PDE8B: variants seen among roughly 807,000 people sequenced by gnomAD.
PDE8B encodes the protein high affinity cAMP-specific and IBMX-insensitive 3',5'-cyclic phosphodiesterase 8B.
In PDE8B, 26 loss-of-function variants were observed where a neutral mutation model predicts 101.3. The observed-to-expected ratio is 0.26, with a 90% CI of 0.19 to 0.36. The LOEUF (loss-of-function observed/expected upper bound fraction) is 0.36, where lower values mean the gene tolerates loss of function less well. PDE8B is among the 10% of genes least tolerant of loss of function. PDE8B has a pLI of 1.00. For missense variants in PDE8B, 810 were observed against 1,163.1 expected, an observed-to-expected ratio of 0.70 and a Z score of 4.42; for synonymous variants, 424 against 429.3, an observed-to-expected ratio of 0.99 and a Z score of 0.15.
chr5:77,115,608 A>G, the PDE8B span, among the ~76,000 whole-genome samples: 1 of 152,244 alleles, frequency 6.6e-6, no homozygotes, highest in African/African-American at 2.4e-5. Flanking sequence ...ACGTTTGCTT[A>G]ATAAATACAC....
At position 77,351,103 on chromosome 5, in the gene PDE8B, G is replaced by C. The variant is rs551325620; in HGVS notation, c.1056G>C (p.Gly352=). The change falls in exon 9 of 22, where the codon GGG becomes GGC. Residue 352 remains glycine (G), a synonymous_variant. Coordinates refer to ENST00000264917, the MANE Select transcript of PDE8B (RefSeq NM_003719.5). ...TTTACTATGCCAGACGGAAATCCGG[G>C]GACAGCATCCAACAGCACGTGAAGA... is the stretch of plus-strand genomic sequence containing the variant. ...QGVYYARRKS[G]DSIQQHVKIT... The C allele has an allele frequency of 6.2e-7, 1 of 1,613,996 alleles. No homozygotes were observed. The highest frequency in any genetic ancestry group is 8.5e-7 in the Non-Finnish European group (1 of 1,179,978).
intron 1 of PDE8B, among the ~76,000 whole-genome samples, chr5:77,282,241 T>A (rs553503246): frequency 6.6e-6 from 1 of 152,156 alleles, no homozygotes; most frequent in South Asian, 2.1e-4. Flanking sequence ...CCCAGCTTCT[T>A]TTCTTTCCCA....
Position 77,305,212 on chromosome 5 carries a change from T to A in PDE8B, c.340-6782T>A, listed in dbSNP as rs76198233. Among the ~76,000 whole-genome samples, 1,260 of 152,288 alleles carry A rather than the reference T, an allele frequency of 8.3e-3. 19 individuals carry two copies. Among genetic ancestry groups the A allele is most frequent in the African/African-American group, 0.029 (1,187 of 41,558 alleles). On this transcript the variant is annotated intron_variant, in intron 1 of 21. Coordinates refer to ENST00000264917, the MANE Select transcript of PDE8B (RefSeq NM_003719.5). ...AGATTCCAGTTATCTTGGTGTCAAA[T>A]AGGACCCAGGCATTGATATATTTTT...
intron 10 of PDE8B, among the ~76,000 whole-genome samples, chr5:77,382,846 AT>A (rs1787769114): frequency 6.6e-6 from 1 of 152,142 alleles, no homozygotes; most frequent in African/African-American, 2.4e-5. Context: ...AGTGATGGGC[AT>A]TTGGGTTGGT....
chr5:77,385,732 C>T (rs934707054), intron 10 of PDE8B, among the ~76,000 whole-genome samples: 3 of 150,918 alleles, frequency 2.0e-5, no homozygotes, highest in African/African-American at 7.3e-5. Flanking sequence ...ATTATTTACC[C>T]AGTAGTCATT....
chr5:77,321,292 C>T (rs1023531684), intron 2 of PDE8B, among the ~76,000 whole-genome samples: 2 of 152,106 alleles, frequency 1.3e-5, no homozygotes, highest in East Asian at 1.9e-4. Context: ...GCTGGGATTA[C>T]AGGCATGCAC....
the PDE8B span, among the ~76,000 whole-genome samples, chr5:77,117,114 T>A: frequency 4.6e-5 from 7 of 152,182 alleles, no homozygotes; most frequent in Admixed American, 4.6e-4. Context: ...TCACCCTTCA[T>A]CTAGATTGTT....
chr5:77,247,587 C>A (rs1283030933), intron 1 of PDE8B, among the ~76,000 whole-genome samples: 2 of 152,112 alleles, frequency 1.3e-5, no homozygotes. Context: ...GTACCACATG[C>A]CAGGCCTCGG....
intron 10 of PDE8B, among the ~76,000 whole-genome samples, chr5:77,378,042 ACACACACC>A (rs935229460): frequency 4.8e-5 from 7 of 145,670 alleles, no homozygotes; most frequent in African/African-American, 1.3e-4. Context: ...ACACACACAC[ACACACACC>A]CCCTGTTGGT....
Position 77,290,964 on chromosome 5 carries a change from A to G in PDE8B, c.340-21030A>G, listed in dbSNP as rs991228993. ...TGGTGGAGCAGATACCGGCACAGCA[A>G]TGGCCAAAGATGAACGAGTGAACCT... On this transcript the variant is annotated intron_variant, in intron 1 of 21. Transcript: ENST00000264917. The G allele has an allele frequency of 1.6e-5, 25 of 1,610,412 alleles. 1 individual carries two copies. The highest frequency in any genetic ancestry group is 1.1e-4 in the South Asian group (10 of 91,020).
intron 1 of PDE8B, among the ~76,000 whole-genome samples, chr5:77,293,017 G>T (rs1326641267): frequency 6.6e-6 from 1 of 151,872 alleles, no homozygotes; most frequent in Non-Finnish European, 1.5e-5. Context: ...GAAGTAATTT[G>T]GGTATATGTC....
At chr5:77,278,611 A>G in intron 1 of PDE8B, among the ~76,000 whole-genome samples, 1 of 152,056 alleles carries the variant, frequency 6.6e-6, no homozygotes, top group Non-Finnish European at 1.5e-5. Flanking sequence ...CTGGGACTAC[A>G]GGCACCTGCC....
chr5:77,289,483 C>G (rs1370622950), intron 1 of PDE8B, among the ~76,000 whole-genome samples: 1 of 152,204 alleles, frequency 6.6e-6, no homozygotes, highest in Non-Finnish European at 1.5e-5. Context: ...ATATTCCACG[C>G]TGTTTTTGAA....
At chr5:77,402,529 G>C (rs1383709487) in intron 11 of PDE8B, among the ~76,000 whole-genome samples, 3 of 152,086 alleles carry the variant, frequency 2.0e-5, no homozygotes, top group South Asian at 4.1e-4. Context: ...GGTTAAGAAG[G>C]TGGTCTAGAA....
the PDE8B span, among the ~76,000 whole-genome samples, chr5:77,172,917 T>C: frequency 1.3e-5 from 2 of 152,286 alleles, no homozygotes; most frequent in African/African-American, 4.8e-5. Flanking sequence ...ACCCAAACAG[T>C]ATGTAAGCAA....
chr5:77,313,639 T>A (rs1773162951), intron 2 of PDE8B, among the ~76,000 whole-genome samples: 2 of 152,208 alleles, frequency 1.3e-5, no homozygotes, highest in Non-Finnish European at 2.9e-5. Flanking sequence ...AAAATGTAAG[T>A]TGTCAAATGT....
intron 1 of PDE8B, among the ~76,000 whole-genome samples, chr5:77,258,096 CT>C (rs1277727622): frequency 6.6e-6 from 1 of 151,768 alleles, no homozygotes; most frequent in East Asian, 1.9e-4. Flanking sequence ...CAAGACCAGC[CT>C]GGCCAACATG....
At position 77,383,657 on chromosome 5, in the gene PDE8B, A is replaced by G. The variant is rs373237930; in HGVS notation, c.1168-16591A>G. Among the ~76,000 whole-genome samples the G allele has an allele frequency of 3.3e-5, 5 of 151,676 alleles. No homozygotes were observed. In the South Asian group the frequency reaches 1.0e-3, roughly 31 times the overall value. ...TAATCCATCTTGAGTTAATTTTTGT[A>G]TAAAGTGTAAGGAAGGGGTCCAGTT... On this transcript the variant is annotated intron_variant, in intron 10 of 21. Coordinates refer to ENST00000264917, the MANE Select transcript of PDE8B (RefSeq NM_003719.5).
the PDE8B span, chr5:77,151,492 A>G: frequency 6.6e-6 from 1 of 152,190 alleles, no homozygotes; most frequent in Non-Finnish European, 1.5e-5. Context: ...AACAGTCAAG[A>G]ATGTTATAAA....
Sources: allele counts gnomAD v4.1 joint callset (sites outside exome capture counted in the v4.1 genomes callset), GRCh38; gene constraint gnomAD v4.1.1; transcripts MANE v1.5; gene names NCBI Gene and HGNC (gene_info 2026-07-23, HGNC 2026-07-21).